Variants in MAP3K5 observed in about 807,000 individuals in gnomAD.
The protein encoded by MAP3K5 is mitogen-activated protein kinase kinase kinase 5.
MAP3K5 carries 56 observed loss-of-function variants against 158.7 expected under a neutral mutation model. The ratio of observed to expected loss-of-function variants is 0.35; its 90% CI spans 0.28 to 0.44. MAP3K5 has a LOEUF of 0.44. Ranked by LOEUF, MAP3K5 falls within the 20% of genes least tolerant of loss-of-function variation. The pLI is 1.00. For synonymous variants in MAP3K5, 579 were observed against 601.7 expected, an observed-to-expected ratio of 0.96 and a Z score of 0.55; for missense variants, 1,294 against 1,674.8, an observed-to-expected ratio of 0.77 and a Z score of 3.97.
intron 7 of MAP3K5, among the ~76,000 whole-genome samples, chr6:136,684,218 A>AT (rs201788342): frequency 1.5e-4 from 22 of 150,610 alleles, no homozygotes; most frequent in African/African-American, 2.0e-4. Context: ...CCCTATCTCA[A>AT]TTTTTTTTTT....
intron 1 of MAP3K5, among the ~76,000 whole-genome samples, chr6:136,750,980 T>G (rs1174418370): frequency 6.6e-6 from 1 of 152,198 alleles, no homozygotes; most frequent in Non-Finnish European, 1.5e-5. Context: ...TACGTTCCTC[T>G]CTTTTGGGAC....
intron 4 of MAP3K5, 109 bp downstream of exon 4, chr6:136,698,380 T>C (rs1349392209): frequency 2.4e-5 from 20 of 822,732 alleles, no homozygotes; most frequent in Admixed American, 5.5e-5. Flanking sequence ...TTCCCCCTAG[T>C]TCTTAGCTGT....
chr6:136,696,211 T>C (rs1243586752), intron 5 of MAP3K5, among the ~76,000 whole-genome samples, 154 bp from the exon 6 acceptor site: 1 of 152,174 alleles, frequency 6.6e-6, no homozygotes, highest in Non-Finnish European at 1.5e-5. Flanking sequence ...GAATAAACAG[T>C]TTTTGTTGTT....
At chr6:136,575,098 T>C (rs1011139773) in intron 25 of MAP3K5, among the ~76,000 whole-genome samples, 2 of 152,108 alleles carry the variant, frequency 1.3e-5, no homozygotes, top group African/African-American at 4.8e-5. Context: ...TGCTCTTGCC[T>C]TAACAGTTTA....
chr6:136,583,472 A>G, intron 24 of MAP3K5, 83 bp downstream of exon 24: 1 of 1,294,108 alleles, frequency 7.7e-7, no homozygotes, highest in South Asian at 1.6e-5. Flanking sequence ...ATTTTAAAAG[A>G]AAAATAACAG....
intron 25 of MAP3K5, among the ~76,000 whole-genome samples, chr6:136,574,905 G>A (rs1210443912): frequency 2.0e-5 from 3 of 151,664 alleles, no homozygotes. Flanking sequence ...TAGCCAGGAT[G>A]GTCTTGATCT....
At chr6:136,651,693 T>C (rs574733902) in intron 10 of MAP3K5, among the ~76,000 whole-genome samples, 1 of 152,308 alleles carries the variant, frequency 6.6e-6, no homozygotes, top group East Asian at 1.9e-4. Flanking sequence ...TCTTCAATAA[T>C]GATACATTTA....
chr6:136,606,031 T>C (rs1347710608), intron 18 of MAP3K5, among the ~76,000 whole-genome samples: 4 of 152,174 alleles, frequency 2.6e-5, no homozygotes, highest in Non-Finnish European at 5.9e-5. Context: ...GCCATCCATA[T>C]AGACACATAA....
chr6:136,784,088 G>A lies in MAP3K5; in HGVS notation c.448+7622C>T, dbSNP rs138099142. On this transcript the variant is annotated intron_variant, in intron 1 of 29. Transcript: ENST00000359015. ...AAAGGCTGGCTCCAGCCAAGGCCAC[G>A]GGTGAGACAAGCCTGTGTTATGCGC... 7.8e-3 allele frequency among the ~76,000 whole-genome samples: 1,191 copies of A among 152,304 alleles called. 15 individuals are homozygous for A. The highest frequency in any genetic ancestry group is 0.027 in the African/African-American group (1,105 of 41,562).
At chr6:136,622,300 T>C (rs1473784532) in intron 15 of MAP3K5, among the ~76,000 whole-genome samples, 1 of 152,146 alleles carries the variant, frequency 6.6e-6, no homozygotes, top group East Asian at 1.9e-4. Flanking sequence ...TACAGTTCAG[T>C]TTTCCTACCC....
chr6:136,645,512 A>G, intron 11 of MAP3K5, among the ~76,000 whole-genome samples: 1 of 152,068 alleles, frequency 6.6e-6, no homozygotes, highest in East Asian at 1.9e-4. Flanking sequence ...TTCAACCCCC[A>G]AAAGGGGGGG....
At chr6:136,623,541 T>C (rs1776902407) in intron 14 of MAP3K5, among the ~76,000 whole-genome samples, 1 of 152,126 alleles carries the variant, frequency 6.6e-6, no homozygotes. Flanking sequence ...AAGTGAAAAA[T>C]AGAGGAAAAT....
At chr6:136,676,438 T>TTTCACTGTGTTACATTA (rs1280198748) in intron 7 of MAP3K5, among the ~76,000 whole-genome samples, 1 of 152,230 alleles carries the variant, frequency 6.6e-6, no homozygotes, top group Non-Finnish European at 1.5e-5. Context: ...TGCATATCAC[T>TTTCACTGTGTTACATTA]TTCACTGTGT....
At chr6:136,616,667 A>C (rs1458211024) in intron 15 of MAP3K5, among the ~76,000 whole-genome samples, 1 of 152,036 alleles carries the variant, frequency 6.6e-6, no homozygotes, top group Non-Finnish European at 1.5e-5. Context: ...TACAGAGTTA[A>C]GAGATAAAGA....
chr6:136,749,139 G>A (rs959466335), intron 1 of MAP3K5, among the ~76,000 whole-genome samples: 3 of 152,126 alleles, frequency 2.0e-5, no homozygotes, highest in Non-Finnish European at 4.4e-5. Flanking sequence ...AAATGTCAGG[G>A]GTGCTGGCAG....
chr6:136,594,655 T>C (rs1457626522), intron 21 of MAP3K5, among the ~76,000 whole-genome samples: 1 of 152,204 alleles, frequency 6.6e-6, no homozygotes, highest in Admixed American at 6.5e-5. Context: ...CAGCCCATTT[T>C]TATGAGATGC....
intron 8 of MAP3K5, 136 bp downstream of exon 8, chr6:136,669,144 ATAT>A (rs1779358027): frequency 3.0e-6 from 2 of 670,876 alleles, no homozygotes; most frequent in Non-Finnish European, 5.3e-6. Context: ...AAACAAGGAG[ATAT>A]AATAAGTTTC....
rs1419027222 is a variant in MAP3K5 at position 136,658,317 on chromosome 6, T to TC, written c.1526+901_1526+902insG. The stretch of plus-strand genomic sequence containing the variant: ...CTTTTCTTTCTTTCTTTCTTTCTTT[T>TC]TTTTTTTTTTTTTTTGAGACAGAGT... On this transcript the variant is annotated intron_variant, in intron 9 of 29. Transcript: ENST00000359015. Among the ~76,000 whole-genome samples the TC allele has an allele frequency of 2.2e-5, 3 of 135,730 alleles. No individual in the cohort carries two copies. In the East Asian group the frequency reaches 6.0e-4, roughly 27 times the overall value. 89.0% of individuals were successfully genotyped at this position (135,730 alleles called of 152,430 possible). A position where few individuals can be genotyped will look rare whatever the true frequency, so the allele number is the denominator to read the frequency against.
chr6:136,581,926 T>C (rs762528890), intron 24 of MAP3K5, among the ~76,000 whole-genome samples: 14 of 151,764 alleles, frequency 9.2e-5, no homozygotes, highest in Non-Finnish European at 1.9e-4. Context: ...CTACTAAAAA[T>C]ACAAAAATTA....
Sources: allele counts gnomAD v4.1 joint callset (sites outside exome capture counted in the v4.1 genomes callset), GRCh38; gene constraint gnomAD v4.1.1; transcripts MANE v1.5; gene names NCBI Gene and HGNC (gene_info 2026-07-23, HGNC 2026-07-21).